Variants in SCFD2 observed in about 807,000 individuals in gnomAD.
SCFD2 encodes the protein sec1 family domain-containing protein 2.
A neutral mutation model predicts 58.9 loss-of-function variants in SCFD2; 54 were observed. That is an observed-to-expected ratio of 0.92 (90% CI 0.74 to 1.15). The LOEUF (loss-of-function observed/expected upper bound fraction) is 1.15. Ranked by LOEUF, SCFD2 falls within the 50% of genes most tolerant of loss-of-function variation. SCFD2 has a pLI of 0.00. For synonymous variants in SCFD2, 321 were observed against 335.9 expected (o/e 0.96, Z 0.49); for missense variants, 805 against 836.6 (o/e 0.96, Z 0.47).
intron 7 of SCFD2, among the ~76,000 whole-genome samples, chr4:52,898,953 C>G (rs565931935): frequency 3.3e-5 from 5 of 152,280 alleles, no homozygotes; most frequent in African/African-American, 9.6e-5. Context: ...TCTGTTTTAT[C>G]CAAGACTAGG....
intron 5 of SCFD2, among the ~76,000 whole-genome samples, chr4:53,013,035 C>T (rs1177949884): frequency 6.6e-6 from 1 of 152,148 alleles, no homozygotes; most frequent in Non-Finnish European, 1.5e-5. Flanking sequence ...AGAGCTCCTG[C>T]ACCAACTCCA....
chr4:52,963,399 AG>A, intron 5 of SCFD2, among the ~76,000 whole-genome samples: 1 of 152,220 alleles, frequency 6.6e-6, no homozygotes, highest in Non-Finnish European at 1.5e-5. Context: ...TTTTGCATTA[AG>A]AATTTGCTGT....
At chr4:53,200,380 C>A (rs1728191740) in intron 4 of SCFD2, among the ~76,000 whole-genome samples, 1 of 152,002 alleles carries the variant, frequency 6.6e-6, no homozygotes, top group South Asian at 2.1e-4. Flanking sequence ...ACCAACTAAA[C>A]CCACTGTAGA....
At chr4:53,153,444 G>A (rs1726572680) in intron 4 of SCFD2, among the ~76,000 whole-genome samples, 1 of 152,198 alleles carries the variant, frequency 6.6e-6, no homozygotes, top group Non-Finnish European at 1.5e-5. Context: ...GAGCTGGAGT[G>A]GCCAGGATCC....
chr4:52,975,461 C>G, intron 5 of SCFD2, among the ~76,000 whole-genome samples: 1 of 152,144 alleles, frequency 6.6e-6, no homozygotes, highest in Non-Finnish European at 1.5e-5. Flanking sequence ...CAAATCAAAA[C>G]CACAATGAGA....
intron 4 of SCFD2, among the ~76,000 whole-genome samples, chr4:53,206,230 T>A (rs1158342610): frequency 2.0e-5 from 3 of 152,172 alleles, no homozygotes; most frequent in African/African-American, 7.2e-5. Context: ...ATCTCTTATT[T>A]GGGTCACACA....
At chr4:53,000,900 G>A (rs958693) in intron 5 of SCFD2, among the ~76,000 whole-genome samples, 129,949 of 152,124 alleles carry the variant, frequency 0.85, 55,727 homozygotes, top group Middle Eastern at 0.95. Context: ...GAGGCCACAG[G>A]CCTATACCAG....
At chr4:53,066,543 T>G (rs908052840) in intron 5 of SCFD2, among the ~76,000 whole-genome samples, 3 of 152,080 alleles carry the variant, frequency 2.0e-5, no homozygotes, top group African/African-American at 7.2e-5. Flanking sequence ...ATAAATATTA[T>G]AGGTCCAGCA....
chr4:53,329,550 A>T (rs1733352429), intron 2 of SCFD2, among the ~76,000 whole-genome samples: 1 of 150,062 alleles, frequency 6.7e-6, no homozygotes, highest in Non-Finnish European at 1.5e-5. Context: ...TGTTAGAAGG[A>T]AAACTAACAA....
chr4:53,340,780 G>C (rs1317128997), intron 2 of SCFD2, among the ~76,000 whole-genome samples: 1 of 152,184 alleles, frequency 6.6e-6, no homozygotes, highest in Non-Finnish European at 1.5e-5. Flanking sequence ...GGAAAGATCA[G>C]GCAGCAACAT....
intron 4 of SCFD2, among the ~76,000 whole-genome samples, chr4:53,241,746 ACTCC>A (rs1290247268): frequency 5.3e-5 from 8 of 151,028 alleles, no homozygotes; most frequent in African/African-American, 1.5e-4. Flanking sequence ...GTGAGAGTTC[ACTCC>A]CTCCCCCTCC....
chr4:53,348,368 T>TA (rs1463558209), intron 2 of SCFD2, among the ~76,000 whole-genome samples: 1 of 152,238 alleles, frequency 6.6e-6, no homozygotes, highest in Non-Finnish European at 1.5e-5. Context: ...TTTTTATCCT[T>TA]ACTCTCATTT....
intron 5 of SCFD2, among the ~76,000 whole-genome samples, chr4:52,995,030 G>A (rs1026823592): frequency 6.6e-6 from 1 of 152,138 alleles, no homozygotes; most frequent in African/African-American, 2.4e-5. Context: ...CATGAATCAG[G>A]GGGGTGGCAT....
intron 5 of SCFD2, among the ~76,000 whole-genome samples, chr4:53,004,315 A>T (rs1001549039): frequency 3.3e-5 from 5 of 152,226 alleles, no homozygotes; most frequent in Non-Finnish European, 5.9e-5. Context: ...CACACGGAGG[A>T]CATGGTAGGT....
At chr4:53,100,489 T>G (rs1724801852) in intron 5 of SCFD2, among the ~76,000 whole-genome samples, 1 of 152,226 alleles carries the variant, frequency 6.6e-6, no homozygotes, top group African/African-American at 2.4e-5. Flanking sequence ...TAATTAGCCA[T>G]AAGAACCACT....
At position 53,349,425 on chromosome 4, in the gene SCFD2, G is replaced by A. The variant is rs535833722; in HGVS notation, c.1007+3173C>T. 9.2e-5 allele frequency among the ~76,000 whole-genome samples: 14 copies of A among 152,330 alleles called. No homozygotes were observed. The South Asian group carries it at 1.9e-3, about 20-fold the overall frequency. The stretch of plus-strand genomic sequence containing the variant: ...TTCTCTTGGCAAGGCCACCTTCCAC[G>A]TGTTAGCATTAACTTCCAGATGTGA... On this transcript the variant is annotated intron_variant, in intron 2 of 8. Coordinates refer to ENST00000401642, the MANE Select transcript of SCFD2 (RefSeq NM_152540.4).
chr4:52,911,303 G>A (rs776213705), intron 6 of SCFD2, among the ~76,000 whole-genome samples: 10 of 151,888 alleles, frequency 6.6e-5, no homozygotes, highest in Non-Finnish European at 1.0e-4. Context: ...GGTAAGTAGG[G>A]ACACTAGGAT....
rs576165000 is a variant in SCFD2 at position 53,309,271 on chromosome 4, A to T, written c.1135+4365T>A. 3.3e-5 allele frequency among the ~76,000 whole-genome samples: 5 copies of T among 152,350 alleles called. No homozygotes were observed. In the South Asian group the frequency reaches 1.0e-3, roughly 32 times the overall value. ...AGAGCTCTGCCAGTGACTTAAAACT[A>T]GAAGTAAAAAGTAGGAAAGGCTTGT... is the stretch of plus-strand genomic sequence containing the variant. On this transcript the variant is annotated intron_variant, in intron 3 of 8. Transcript: ENST00000401642.
chr4:52,994,913 G>A (rs889728732), intron 5 of SCFD2, among the ~76,000 whole-genome samples: 5 of 152,096 alleles, frequency 3.3e-5, no homozygotes, highest in African/African-American at 1.2e-4. Flanking sequence ...ACCAACATCT[G>A]TTGCTGGAGA....
Sources: gnomAD v4.1 joint callset for allele counts (sites outside exome capture counted in the v4.1 genomes callset) on GRCh38, gnomAD v4.1.1 for gene constraint, MANE v1.5 for transcripts, NCBI Gene and HGNC (gene_info 2026-07-23, HGNC 2026-07-21) for gene names.